Variants in ATP5MC2 observed in about 807,000 individuals in gnomAD.
ATP5MC2 encodes the protein ATP synthase membrane subunit c locus 2, also known as ATP synthase F(0) complex subunit C2, mitochondrial.
ATP5MC2 carries 11 observed loss-of-function variants against 13.5 expected under a neutral mutation model. The observed-to-expected ratio is 0.81, with a 90% CI of 0.51 to 1.35. The LOEUF (loss-of-function observed/expected upper bound fraction) is 1.35. Among genes scored for constraint, ATP5MC2 ranks in the 40% most tolerant of loss-of-function variants. ATP5MC2 has a pLI of 0.00. For synonymous variants in ATP5MC2, 64 were observed against 69.7 expected (o/e 0.92, Z 0.41); for missense variants, 132 against 175.0 (o/e 0.75, Z 1.39).
At chr12:53,666,885 G>A (rs933405156) in intron 4 of ATP5MC2, among the ~76,000 whole-genome samples, 5 of 150,532 alleles carry the variant, frequency 3.3e-5, no homozygotes, top group African/African-American at 4.9e-5. Flanking sequence ...GGCAGAGATT[G>A]CAGTGGGCTG....
At chr12:53,672,675 C>T (rs771433707) in intron 1 of ATP5MC2, 30 bp from the exon 2 acceptor site, 10 of 1,550,930 alleles carry the variant, frequency 6.4e-6, no homozygotes, top group African/African-American at 2.7e-5. Flanking sequence ...ATTGTAAACG[C>T]TCCTTATTCA....
intron 1 of ATP5MC2, among the ~76,000 whole-genome samples, chr12:53,675,662 AAAG>A (rs557181876): frequency 1.1e-3 from 161 of 152,312 alleles, no homozygotes; most frequent in African/African-American, 3.6e-3. Context: ...ATTTCAGAAT[AAAG>A]AAGGCACAAG....
Position 53,665,257 on chromosome 12 carries a change from A to G in ATP5MC2, c.*57T>C. The G allele has an allele frequency of 1.4e-6, 2 of 1,431,524 alleles. No individual in the cohort carries two copies. Among genetic ancestry groups the G allele is most frequent in the African/African-American group, 1.4e-5 (1 of 69,478 alleles). The allele number at this position is 1,431,524 out of a possible 1,614,324, so 88.7% of individuals were successfully genotyped here. A position where few individuals can be genotyped will look rare whatever the true frequency, so the allele number is the denominator to read the frequency against. ...AGGCTGCCTGGGGAGGTATAGGAAA[A>G]GGAACACACGGGGCCAACCAGACGC... On this transcript the variant is annotated 3_prime_UTR_variant, in exon 5 of 5. Coordinates refer to ENST00000394349, the MANE Select transcript of ATP5MC2 (RefSeq NM_005176.7).
At chr12:53,668,010 T>C (rs1944985088) in intron 4 of ATP5MC2, among the ~76,000 whole-genome samples, 2 of 128,344 alleles carry the variant, frequency 1.6e-5, no homozygotes, top group South Asian at 5.0e-4. Context: ...TTTTTTTTTT[T>C]GATGGTCTCA....
chr12:53,666,567 G>A (rs1183639694), intron 4 of ATP5MC2, among the ~76,000 whole-genome samples: 8 of 147,600 alleles, frequency 5.4e-5, no homozygotes, highest in Non-Finnish European at 1.0e-4. Context: ...GACAGAGCAA[G>A]ACTCTGTCTC....
upstream of ATP5MC2, chr12:53,676,173 T>C (rs1945267118): frequency 6.2e-7 from 1 of 1,614,228 alleles, no homozygotes; most frequent in East Asian, 2.2e-5. Context: ...GATTGCAACA[T>C]ACAGGATCAG....
chr12:53,672,226 T>C (rs1016213424), intron 2 of ATP5MC2, among the ~76,000 whole-genome samples: 2 of 152,030 alleles, frequency 1.3e-5, no homozygotes, highest in Non-Finnish European at 1.5e-5. Context: ...TATTTACTTA[T>C]TTATTTATTT....
At chr12:53,676,176 A>G (rs753780466), upstream of ATP5MC2, 2 of 1,614,228 alleles carry the variant, frequency 1.2e-6, no homozygotes, top group East Asian at 4.5e-5. Flanking sequence ...TGCAACATAC[A>G]GGATCAGCTC....
At chr12:53,678,340 T>TCACCACCAC (rs374475099), upstream of ATP5MC2, among the ~76,000 whole-genome samples, 3 of 151,322 alleles carry the variant, frequency 2.0e-5, no homozygotes, top group Non-Finnish European at 4.4e-5. Context: ...ATCATCATCG[T>TCACCACCAC]CACCACCACC....
intron 4 of ATP5MC2, among the ~76,000 whole-genome samples, chr12:53,666,586 AAAAG>A (rs1382061030): frequency 1.3e-5 from 2 of 150,972 alleles, no homozygotes; most frequent in African/African-American, 2.4e-5. Flanking sequence ...TCAAAAAAAA[AAAAG>A]AAAGAAAAAA....
At chr12:53,672,246 G>C (rs1259410121) in intron 2 of ATP5MC2, among the ~76,000 whole-genome samples, 1 of 152,076 alleles carries the variant, frequency 6.6e-6, no homozygotes, top group Non-Finnish European at 1.5e-5. Flanking sequence ...TTTTGAGACA[G>C]AGTCTTGCTC....
upstream of ATP5MC2, among the ~76,000 whole-genome samples, chr12:53,678,706 G>T (rs759662158): frequency 2.6e-5 from 4 of 152,184 alleles, no homozygotes; most frequent in African/African-American, 4.8e-5. Flanking sequence ...AAAGATCCAA[G>T]AGAAGCTTAG....
chr12:53,667,989 A>ATATATATATATATG (rs1944980742), intron 4 of ATP5MC2, among the ~76,000 whole-genome samples: 1 of 79,200 alleles, frequency 1.3e-5, no homozygotes, highest in Non-Finnish European at 2.3e-5. Context: ...ATATATATAT[A>ATATATATATATATG]TATATAAATT....
intron 4 of ATP5MC2, among the ~76,000 whole-genome samples, chr12:53,666,205 A>G (rs953551426): frequency 6.6e-6 from 1 of 152,106 alleles, no homozygotes; most frequent in South Asian, 2.1e-4. Flanking sequence ...GCACTTTGGG[A>G]GGCCGAGATG....
In ATP5MC2 at chr12:53,665,250, T is replaced by G. The variant is rs370809518; in HGVS notation, c.*64A>C. Reference sequence around the variant, plus strand: ...GTTCCCCAGGCTGCCTGGGGAGGTATAGGAAAAGGAACACACGGGGCCAAC... The same window carrying G: ...GTTCCCCAGGCTGCCTGGGGAGGTAGAGGAAAAGGAACACACGGGGCCAAC... On this transcript the variant is annotated 3_prime_UTR_variant, in exon 5 of 5. Coordinates refer to ENST00000394349, the MANE Select transcript of ATP5MC2 (RefSeq NM_005176.7). The G allele has an allele frequency of 2.2e-6, 3 of 1,336,236 alleles. No homozygotes were observed. The highest frequency in any genetic ancestry group is 3.1e-6 in the Non-Finnish European group (3 of 958,290). 82.8% of individuals were successfully genotyped at this position (1,336,236 alleles called of 1,614,324 possible).
chr12:53,675,918 G>A, intron 1 of ATP5MC2, 135 bp downstream of exon 1: 2 of 1,336,622 alleles, frequency 1.5e-6, no homozygotes, highest in Non-Finnish European at 1.0e-6. Context: ...TAAGGCTAAG[G>A]GATAGCGGAA....
At chr12:53,665,798 C>T (rs531508697) in intron 4 of ATP5MC2, among the ~76,000 whole-genome samples, 17 of 152,236 alleles carry the variant, frequency 1.1e-4, no homozygotes, top group South Asian at 4.2e-4. Flanking sequence ...AAGCAGAACT[C>T]CAATATAGTA....
At chr12:53,672,493 T>C in intron 2 of ATP5MC2, 83 bp downstream of exon 2, 2 of 1,414,014 alleles carry the variant, frequency 1.4e-6, no homozygotes, top group Middle Eastern at 2.4e-4. Flanking sequence ...TCCCCCAGCC[T>C]TGCTGTGAAG....
At chr12:53,676,326 A>T (rs183208747), upstream of ATP5MC2, 11 of 1,387,208 alleles carry the variant, frequency 7.9e-6, no homozygotes, top group African/African-American at 1.4e-5. Context: ...CGTAACGTGG[A>T]CTGCGGTTTG....
Sources: allele counts gnomAD v4.1 joint callset (sites outside exome capture counted in the v4.1 genomes callset), GRCh38; gene constraint gnomAD v4.1.1; transcripts MANE v1.5; gene names NCBI Gene and HGNC (gene_info 2026-07-23, HGNC 2026-07-21).